The following CC2D2B variants were observed in gnomAD, a reference collection of about 807,000 sequenced individuals.
CC2D2B encodes the protein protein CC2D2B.
CC2D2B carries 128 observed loss-of-function variants against 161.2 expected under a neutral mutation model. The observed-to-expected ratio is 0.79, with a 90% CI of 0.69 to 0.92. The LOEUF is 0.92. Ranked by LOEUF, CC2D2B falls within the 40% of genes least tolerant of loss-of-function variation. CC2D2B has a pLI of 0.00. For missense variants in CC2D2B, 1,173 were observed against 1,375.1 expected (o/e 0.85, Z 2.32); for synonymous variants, 391 against 449.8 (o/e 0.87, Z 1.65).
At chr10:95,999,943 T>C (rs2078401106) in intron 24 of CC2D2B, 2 of 558,138 alleles carry the variant, frequency 3.6e-6, no homozygotes, top group Admixed American at 2.4e-5. Context: ...TTCGGGAAGC[T>C]ATCTCAGCTC....
intron 26 of CC2D2B, among the ~76,000 whole-genome samples, chr10:96,011,353 A>C (rs1475757532): frequency 6.6e-6 from 1 of 152,146 alleles, no homozygotes; most frequent in East Asian, 1.9e-4. Flanking sequence ...AAAGGTGGAC[A>C]CATCTGGGTT....
At chr10:96,006,629 A>G (rs1051500999) in intron 25 of CC2D2B, among the ~76,000 whole-genome samples, 1 of 152,146 alleles carries the variant, frequency 6.6e-6, no homozygotes, top group Non-Finnish European at 1.5e-5. Context: ...AAGGGACCCT[A>G]TTGGACAAGC....
chr10:95,957,637 T>G (rs1192029036), intron 11 of CC2D2B, among the ~76,000 whole-genome samples: 1 of 141,328 alleles, frequency 7.1e-6, no homozygotes, highest in East Asian at 2.1e-4. Flanking sequence ...CTCGGCTCAC[T>G]GCGACCTTCA....
At chr10:95,998,932 A>G (rs920417346) in intron 24 of CC2D2B, among the ~76,000 whole-genome samples, 1 of 151,972 alleles carries the variant, frequency 6.6e-6, no homozygotes, top group African/African-American at 2.4e-5. Flanking sequence ...CCTGGCCAAG[A>G]TGGTGAGCTG....
intron 3 of CC2D2B, 64 bp downstream of exon 3, chr10:95,922,140 T>G: frequency 1.1e-6 from 1 of 895,254 alleles, no homozygotes; most frequent in South Asian, 1.8e-5. Context: ...TGTAAATGAT[T>G]AATCCTGTGC....
chr10:95,918,978 AT>A (rs1398127404), intron 2 of CC2D2B: 4 of 151,836 alleles, frequency 2.6e-5, no homozygotes, highest in African/African-American at 9.7e-5. Context: ...AATTATTTCT[AT>A]CTCTTTGTTA....
intron 7 of CC2D2B, 117 bp downstream of exon 7, chr10:95,938,306 T>C: frequency 1.4e-6 from 1 of 725,220 alleles, no homozygotes; most frequent in Non-Finnish European, 2.3e-6. Flanking sequence ...GTAACTTTTC[T>C]ATATTTGTTT....
intron 12 of CC2D2B, among the ~76,000 whole-genome samples, chr10:95,963,443 A>G (rs1366810416): frequency 1.3e-5 from 2 of 152,172 alleles, no homozygotes; most frequent in Admixed American, 1.3e-4. Flanking sequence ...GGCATGTTGA[A>G]GTTGATATGC....
At chr10:95,947,083 AT>A (rs1215446018) in intron 9 of CC2D2B, among the ~76,000 whole-genome samples, 647 of 21,116 alleles carry the variant, frequency 0.031, 60 homozygotes, top group Non-Finnish European at 0.037. Context: ...GGACTCAAAA[AT>A]ATATATATAT....
At position 96,025,154 on chromosome 10, in the gene CC2D2B, A is replaced by AATATAT. The variant is rs1175038678; in HGVS notation, c.3947+269_3947+274dup. 7.5e-4 allele frequency among the ~76,000 whole-genome samples: 15 copies of AATATAT among 20,078 alleles called. 1 individual carries two copies. The highest frequency in any genetic ancestry group is 5.7e-3 in the South Asian group (3 of 522). 13.2% of individuals were successfully genotyped at this position (20,078 alleles called of 152,430 possible). A position where few individuals can be genotyped will look rare whatever the true frequency, so the allele number is the denominator to read the frequency against. On this transcript the variant is annotated intron_variant, in intron 33 of 34. Coordinates refer to ENST00000646931, the MANE Select transcript of CC2D2B (RefSeq NM_001349008.3). ...GGAGACGTCATCTCTACTAAAAAAA[A>AATATAT]ATATATATATATATATATATATATA... is the stretch of plus-strand genomic sequence containing the variant.
intron 32 of CC2D2B, among the ~76,000 whole-genome samples, chr10:96,022,180 A>T (rs1219514172): frequency 6.6e-6 from 1 of 151,986 alleles, no homozygotes; most frequent in Non-Finnish European, 1.5e-5. Flanking sequence ...ATTTAGCTGA[A>T]TGTGGTGGTG....
At chr10:95,974,557 G>C (rs1468953975) in intron 17 of CC2D2B, among the ~76,000 whole-genome samples, 1 of 152,058 alleles carries the variant, frequency 6.6e-6, no homozygotes, top group Non-Finnish European at 1.5e-5. Flanking sequence ...AATTATTTGT[G>C]GGATTACTAG....
At chr10:95,988,226 T>G in intron 19 of CC2D2B, 24 bp from the exon 20 acceptor site, 1 of 1,009,480 alleles carries the variant, frequency 9.9e-7, no homozygotes, top group Non-Finnish European at 1.3e-6. Flanking sequence ...ATTCAAGAAG[T>G]GAAACTAACA....
At chr10:95,978,482 G>A (rs1270647734) in intron 17 of CC2D2B, among the ~76,000 whole-genome samples, 2 of 152,084 alleles carry the variant, frequency 1.3e-5, no homozygotes, top group Non-Finnish European at 2.9e-5. Flanking sequence ...TCAGCCTCCC[G>A]AGTAGCTGAG....
chr10:96,005,213 A>G (rs1025604396), intron 25 of CC2D2B, among the ~76,000 whole-genome samples: 17 of 152,166 alleles, frequency 1.1e-4, no homozygotes, highest in African/African-American at 3.9e-4. Context: ...TTTCTCTCAA[A>G]AGTGAATTAT....
At chr10:95,980,628 A>AC (rs757657553) in intron 17 of CC2D2B, among the ~76,000 whole-genome samples, 3 of 152,188 alleles carry the variant, frequency 2.0e-5, no homozygotes, top group Non-Finnish European at 2.9e-5. Flanking sequence ...ATGAGGGCAG[A>AC]CATGGGAAGC....
intron 25 of CC2D2B, among the ~76,000 whole-genome samples, chr10:96,005,792 C>T (rs2141817498): frequency 6.6e-6 from 1 of 152,274 alleles, no homozygotes; most frequent in African/African-American, 2.4e-5. Flanking sequence ...AGATTTAAAA[C>T]TTAGATTAAC....
chr10:95,973,028 ACT>A (rs2077189541), intron 16 of CC2D2B, among the ~76,000 whole-genome samples: 1 of 151,996 alleles, frequency 6.6e-6, no homozygotes, highest in South Asian at 2.1e-4. Context: ...CTCTGAGATC[ACT>A]GTCATTCCTC....
At chr10:95,909,084 C>A (rs117236903) in intron 1 of CC2D2B, among the ~76,000 whole-genome samples, 5,172 of 152,230 alleles carry the variant, frequency 0.034, 119 homozygotes, top group Non-Finnish European at 0.05. Context: ...CTTTCGAAGA[C>A]TTAAATAAAT....
Sources: allele counts gnomAD v4.1 joint callset (sites outside exome capture counted in the v4.1 genomes callset), GRCh38; gene constraint gnomAD v4.1.1; transcripts MANE v1.5; gene names NCBI Gene and HGNC (gene_info 2026-07-23, HGNC 2026-07-21).